Variants in GRID1 observed in about 807,000 individuals in gnomAD.
GRID1 encodes glutamate receptor ionotropic, delta-1.
A neutral mutation model predicts 98.0 loss-of-function variants in GRID1; 28 were observed. That is an observed-to-expected ratio of 0.29 (90% CI 0.21 to 0.39). GRID1 has a LOEUF of 0.39. Ranked by LOEUF, GRID1 falls within the 10% of genes least tolerant of loss-of-function variation. The pLI is 1.00. For synonymous variants in GRID1, 553 were observed against 538.5 expected, an observed-to-expected ratio of 1.03 and a Z score of -0.37; for missense variants, 1,111 against 1,340.5, an observed-to-expected ratio of 0.83 and a Z score of 2.67.
At chr10:85,972,639 T>G (rs534469846) in intron 4 of GRID1, among the ~76,000 whole-genome samples, 1 of 151,986 alleles carries the variant, frequency 6.6e-6, no homozygotes, top group East Asian at 1.9e-4. Flanking sequence ...TATTCCATAA[T>G]GTACTTAGCT....
chr10:85,858,159 C>T (rs1230055002), intron 6 of GRID1, among the ~76,000 whole-genome samples: 1 of 152,188 alleles, frequency 6.6e-6, no homozygotes, highest in South Asian at 2.1e-4. Flanking sequence ...ACTGTCCTGT[C>T]CCCCAGCTCT....
intron 6 of GRID1, 123 bp downstream of exon 6, chr10:85,868,887 A>T: frequency 1.3e-6 from 1 of 777,822 alleles, no homozygotes; most frequent in East Asian, 2.6e-5. Context: ...CAATTTCAAC[A>T]AATGACAGAG....
intron 4 of GRID1, among the ~76,000 whole-genome samples, chr10:86,037,342 T>C (rs61856049): frequency 0.099 from 15,081 of 152,216 alleles, 924 homozygotes; most frequent in African/African-American, 0.17. Context: ...ACATGCAAGC[T>C]TGGAATCCTC....
intron 8 of GRID1, among the ~76,000 whole-genome samples, chr10:85,757,402 G>A (rs1313971279): frequency 6.6e-6 from 1 of 152,228 alleles, no homozygotes; most frequent in Non-Finnish European, 1.5e-5. Flanking sequence ...TGGGTGGAGT[G>A]AGGGCAGAAA....
chr10:85,882,371 C>A (rs1254254354), intron 5 of GRID1, among the ~76,000 whole-genome samples: 3 of 152,120 alleles, frequency 2.0e-5, no homozygotes, highest in Non-Finnish European at 4.4e-5. Context: ...TTGGAACCAA[C>A]CCAAATGTCC....
At chr10:86,016,408 GA>G (rs1278403004) in intron 4 of GRID1, among the ~76,000 whole-genome samples, 3 of 152,046 alleles carry the variant, frequency 2.0e-5, no homozygotes, top group African/African-American at 4.8e-5. Context: ...CTCTCTTTCT[GA>G]ATCCCTAGAG....
chr10:85,857,849 A>G (rs1262078272), intron 6 of GRID1, among the ~76,000 whole-genome samples: 1 of 152,084 alleles, frequency 6.6e-6, no homozygotes, highest in Non-Finnish European at 1.5e-5. Flanking sequence ...ATGTCCCTGT[A>G]CCACAACACC....
At chr10:85,746,771 C>T (rs566695475) in intron 8 of GRID1, among the ~76,000 whole-genome samples, 25 of 152,044 alleles carry the variant, frequency 1.6e-4, no homozygotes, top group African/African-American at 6.0e-4. Flanking sequence ...GTCACCCATC[C>T]AATCCTGCAG....
intron 4 of GRID1, among the ~76,000 whole-genome samples, chr10:85,974,352 G>GGGC (rs1842445586): frequency 6.6e-6 from 1 of 152,086 alleles, no homozygotes; most frequent in South Asian, 2.1e-4. Context: ...CTCTCTCAGG[G>GGGC]GGCTGTGTGA....
At chr10:86,241,806 C>T (rs576599316) in intron 2 of GRID1, among the ~76,000 whole-genome samples, 1 of 152,282 alleles carries the variant, frequency 6.6e-6, no homozygotes, top group East Asian at 1.9e-4. Context: ...CCTGCAAGAG[C>T]CCAGACTGCC....
intron 13 of GRID1, among the ~76,000 whole-genome samples, chr10:85,643,682 GT>G (rs1211522308): frequency 1.3e-5 from 2 of 151,882 alleles, no homozygotes; most frequent in African/African-American, 4.8e-5. Flanking sequence ...TATGACACTA[GT>G]TATAAAACCC....
intron 2 of GRID1, among the ~76,000 whole-genome samples, chr10:86,283,772 A>G (rs1010366617): frequency 6.8e-6 from 1 of 146,296 alleles, no homozygotes; most frequent in African/African-American, 2.6e-5. Flanking sequence ...TTGCACACAC[A>G]CCTGCATACA....
chr10:85,978,954 CA>C (rs1173767737), intron 4 of GRID1, among the ~76,000 whole-genome samples: 3 of 152,156 alleles, frequency 2.0e-5, no homozygotes, highest in Non-Finnish European at 4.4e-5. Flanking sequence ...GCCCAGTTCA[CA>C]AAACCAGTAA....
At chr10:85,724,212 C>T (rs1841735103) in intron 11 of GRID1, 140 bp downstream of exon 11, 1 of 595,682 alleles carries the variant, frequency 1.7e-6, no homozygotes, top group Non-Finnish European at 2.9e-6. Flanking sequence ...TTGGGTGCAG[C>T]ATGACATTTG....
At chr10:85,988,432 T>TG (rs1224199691) in intron 4 of GRID1, among the ~76,000 whole-genome samples, 6 of 152,328 alleles carry the variant, frequency 3.9e-5, no homozygotes, top group Admixed American at 3.9e-4. Context: ...CTGTAACTAC[T>TG]GGCAGAGGCT....
intron 8 of GRID1, among the ~76,000 whole-genome samples, chr10:85,853,883 C>T (rs1843084207): frequency 6.6e-6 from 1 of 152,210 alleles, no homozygotes; most frequent in South Asian, 2.1e-4. Flanking sequence ...TTCTCTATCA[C>T]CCATAAGAGG....
At chr10:85,709,592 G>A (rs764036992) in intron 12 of GRID1, among the ~76,000 whole-genome samples, 46 of 152,316 alleles carry the variant, frequency 3.0e-4, no homozygotes, top group Non-Finnish European at 5.9e-4. Context: ...ATAGCTTGAT[G>A]AAGGACAAGT....
chr10:86,205,206 T>C (rs893285105), intron 3 of GRID1, among the ~76,000 whole-genome samples: 2 of 152,260 alleles, frequency 1.3e-5, no homozygotes, highest in African/African-American at 2.4e-5. Context: ...CATATGCTGA[T>C]TTCTTTTCTT....
intron 5 of GRID1, among the ~76,000 whole-genome samples, chr10:85,873,396 A>G (rs746386228): frequency 4.6e-5 from 7 of 152,224 alleles, no homozygotes; most frequent in Non-Finnish European, 1.0e-4. Context: ...CAAAAGTAAC[A>G]CATCATACAC....
Sources: allele counts gnomAD v4.1 joint callset (sites outside exome capture counted in the v4.1 genomes callset), GRCh38; gene constraint gnomAD v4.1.1; transcripts MANE v1.5; gene names NCBI Gene and HGNC (gene_info 2026-07-23, HGNC 2026-07-21).